The following KIAA0930 variants were observed in gnomAD, a reference collection of about 807,000 sequenced individuals.
KIAA0930 encodes the protein uncharacterized protein KIAA0930.
KIAA0930 carries 24 observed loss-of-function variants against 43.9 expected under a neutral mutation model. The observed-to-expected ratio is 0.55, with a 90% confidence interval of 0.40 to 0.77. The LOEUF (loss-of-function observed/expected upper bound fraction) is 0.77, where lower values mean the gene tolerates loss of function less well. Ranked by LOEUF, KIAA0930 falls within the 30% of genes least tolerant of loss-of-function variation. The pLI is 0.00. For synonymous variants in KIAA0930, 259 were observed against 216.4 expected, an observed-to-expected ratio of 1.20 and a Z score of -1.73; for missense variants, 461 against 574.2, an observed-to-expected ratio of 0.80 and a Z score of 2.02.
intron 6 of KIAA0930, 123 bp from the exon 7 acceptor site, chr22:45,203,307 C>T (rs1031700336): frequency 1.1e-5 from 11 of 992,466 alleles, no homozygotes; most frequent in African/African-American, 5.0e-5. Context: ...CGGGAGGGAG[C>T]GTCTGAGCTG....
chr22:45,211,743 G>A (rs1236603569), intron 2 of KIAA0930, among the ~76,000 whole-genome samples: 7 of 152,222 alleles, frequency 4.6e-5, no homozygotes, highest in African/African-American at 1.7e-4. Flanking sequence ...TCACAGTGAA[G>A]ATGAATGACA....
At chr22:45,224,636 C>T (rs1569082012) in intron 1 of KIAA0930, among the ~76,000 whole-genome samples, 1 of 152,206 alleles carries the variant, frequency 6.6e-6, no homozygotes, top group Non-Finnish European at 1.5e-5. Context: ...TTAAGTAACA[C>T]AGACAGAAGT....
intron 9 of KIAA0930, among the ~76,000 whole-genome samples, 191 bp downstream of exon 9, chr22:45,197,599 G>A (rs1478547391): frequency 1.3e-5 from 2 of 152,200 alleles, no homozygotes; most frequent in African/African-American, 2.4e-5. Context: ...AACAAAGGGA[G>A]GACTTCAGCT....
At chr22:45,221,727 TTTGTTGTTG>T (rs370870475) in intron 1 of KIAA0930, among the ~76,000 whole-genome samples, 1 of 151,930 alleles carries the variant, frequency 6.6e-6, no homozygotes, top group Non-Finnish European at 1.5e-5. Flanking sequence ...TAACTGGGTT[TTTGTTGTTG>T]TTGTTGTTGT....
chr22:45,200,484 C>G (rs1189116061), intron 7 of KIAA0930, among the ~76,000 whole-genome samples: 1 of 152,164 alleles, frequency 6.6e-6, no homozygotes, highest in African/African-American at 2.4e-5. Flanking sequence ...GAGACCCTGG[C>G]TTGCCTGTGG....
At chr22:45,219,489 C>T (rs2083753781) in intron 1 of KIAA0930, among the ~76,000 whole-genome samples, 1 of 150,632 alleles carries the variant, frequency 6.6e-6, no homozygotes, top group Non-Finnish European at 1.5e-5. Context: ...AGTTTATAGC[C>T]ATTAAAAATG....
At chr22:45,225,634 C>T (rs553279276) in intron 1 of KIAA0930, among the ~76,000 whole-genome samples, 27 of 152,284 alleles carry the variant, frequency 1.8e-4, no homozygotes, top group Admixed American at 7.8e-4. Context: ...ACAAGCACGG[C>T]GCCCATTCCA....
At chr22:45,205,957 T>G (rs1162636903) in intron 2 of KIAA0930, 45 bp from the exon 3 acceptor site, 1 of 1,603,958 alleles carries the variant, frequency 6.2e-7, no homozygotes, top group African/African-American at 1.3e-5. Flanking sequence ...CCCACTGTGG[T>G]GCTCTTCTTC....
intron 7 of KIAA0930, among the ~76,000 whole-genome samples, chr22:45,200,483 G>A (rs1431870790): frequency 6.6e-6 from 1 of 152,128 alleles, no homozygotes; most frequent in African/African-American, 2.4e-5. Context: ...CGAGACCCTG[G>A]CTTGCCTGTG....
intron 2 of KIAA0930, among the ~76,000 whole-genome samples, chr22:45,206,430 C>A (rs1347052987): frequency 6.6e-6 from 1 of 152,200 alleles, no homozygotes; most frequent in Non-Finnish European, 1.5e-5. Context: ...CTAAGGGCAT[C>A]TTCCCCTCAA....
chr22:45,237,224 A>G (rs1330720828), intron 1 of KIAA0930, among the ~76,000 whole-genome samples: 1 of 152,228 alleles, frequency 6.6e-6, no homozygotes, highest in Non-Finnish European at 1.5e-5. Context: ...ATGCAACACC[A>G]AAATCTTGCT....
intron 1 of KIAA0930, among the ~76,000 whole-genome samples, chr22:45,225,944 G>A (rs1303817485): frequency 6.6e-6 from 1 of 152,222 alleles, no homozygotes; most frequent in African/African-American, 2.4e-5. Flanking sequence ...AGCCCCACCT[G>A]CCTGCAAAGC....
intron 1 of KIAA0930, among the ~76,000 whole-genome samples, chr22:45,227,205 G>A (rs1234735169): frequency 6.6e-6 from 1 of 152,220 alleles, no homozygotes; most frequent in Admixed American, 6.5e-5. Flanking sequence ...CACAGGACAA[G>A]GATGCAAAGC....
In KIAA0930 at chr22:45,219,592, T is replaced by G. The variant is rs949899313; in HGVS notation, c.65-7485A>C. Among the ~76,000 whole-genome samples, 176 of 136,594 alleles carry G rather than the reference T, an allele frequency of 1.3e-3. 2 individuals are homozygous for G. The East Asian group carries it at 0.02, about 16-fold the overall frequency. The allele number at this position is 136,594 out of a possible 152,430, so 89.6% of individuals were successfully genotyped here. A position where few individuals can be genotyped will look rare whatever the true frequency, so the allele number is the denominator to read the frequency against. On this transcript the variant is annotated intron_variant, in intron 1 of 9. Coordinates refer to ENST00000336156, the MANE Select transcript of KIAA0930 (RefSeq NM_001009880.2). ...GGCCAAGAGGTGATTGTTTTTTTTT[T>G]TTTTTTTTTTTTTTTTTTTAAGATG...
chr22:45,199,655 C>T (rs1023741985), intron 8 of KIAA0930, among the ~76,000 whole-genome samples: 15 of 152,210 alleles, frequency 9.9e-5, no homozygotes, highest in African/African-American at 2.9e-4. Context: ...GCCAAGGAGA[C>T]GCCTGAGCCC....
At chr22:45,209,491 T>C (rs962628786) in intron 2 of KIAA0930, among the ~76,000 whole-genome samples, 1 of 152,114 alleles carries the variant, frequency 6.6e-6, no homozygotes, top group Non-Finnish European at 1.5e-5. Context: ...CATGTGGCAC[T>C]CGTCACACAC....
In KIAA0930 at chr22:45,193,608, C is replaced by CG. The variant is rs2083509747; in HGVS notation, c.*3567_*3568insC. On this transcript the variant is annotated 3_prime_UTR_variant, in exon 10 of 10. Transcript: ENST00000336156. Reference sequence around the variant, plus strand: ...GTAGAGGGAAGACTAACTCACAGTCCATAAGAATCCAAAAGTGAGCGGCGA... The same window carrying CG: ...GTAGAGGGAAGACTAACTCACAGTCCGATAAGAATCCAAAAGTGAGCGGCGA... 1 of 152,126 alleles carries CG rather than the reference C, an allele frequency of 6.6e-6. No individual in the cohort carries two copies. The highest frequency in any genetic ancestry group is 2.4e-5 in the African/African-American group (1 of 41,408). The allele number at this position is 152,126 out of a possible 1,614,324, so 9.4% of individuals were successfully genotyped here. A position where few individuals can be genotyped will look rare whatever the true frequency, so the allele number is the denominator to read the frequency against.
At chr22:45,230,336 C>T (rs1332643516) in intron 1 of KIAA0930, among the ~76,000 whole-genome samples, 1 of 152,094 alleles carries the variant, frequency 6.6e-6, no homozygotes, top group Admixed American at 6.5e-5. Flanking sequence ...AGGGTTCAGG[C>T]CACGTTACCC....
intron 2 of KIAA0930, among the ~76,000 whole-genome samples, chr22:45,208,522 C>T (rs2083661700): frequency 6.6e-6 from 1 of 151,870 alleles, no homozygotes; most frequent in Non-Finnish European, 1.5e-5. Flanking sequence ...AACCCACCGA[C>T]TCCACATGCA....
Sources: gnomAD v4.1 joint callset for allele counts (sites outside exome capture counted in the v4.1 genomes callset) on GRCh38, gnomAD v4.1.1 for gene constraint, MANE v1.5 for transcripts, NCBI Gene and HGNC (gene_info 2026-07-23, HGNC 2026-07-21) for gene names.